The following CUX2 variants were observed in gnomAD, a reference collection of about 807,000 sequenced individuals.
CUX2 encodes homeobox protein cut-like 2.
CUX2 carries 40 observed loss-of-function variants against 144.8 expected under a neutral mutation model. The ratio of observed to expected loss-of-function variants is 0.28; its 90% CI spans 0.21 to 0.36. The LOEUF is 0.36. Ranked by LOEUF, CUX2 falls within the 10% of genes least tolerant of loss-of-function variation. The pLI is 1.00. For synonymous variants in CUX2, 827 were observed against 875.6 expected, an observed-to-expected ratio of 0.94 and a Z score of 0.98; for missense variants, 1,615 against 1,994.0, an observed-to-expected ratio of 0.81 and a Z score of 3.62.
chr12:111,235,054 A>C (rs1363564195), intron 3 of CUX2, among the ~76,000 whole-genome samples: 1 of 152,070 alleles, frequency 6.6e-6, no homozygotes, highest in African/African-American at 2.4e-5. Flanking sequence ...TTTTCTCATC[A>C]ATAAAACGGT....
Position 111,310,128 on chromosome 12 carries a change from C to A in CUX2, c.1346C>A (p.Pro449Gln). 1 of 1,509,000 alleles carries A rather than the reference C, an allele frequency of 6.6e-7. No individual in the cohort carries two copies. Among genetic ancestry groups the A allele is most frequent in the Non-Finnish European group, 8.9e-7 (1 of 1,129,908 alleles). The allele number at this position is 1,509,000 out of a possible 1,614,324, so 93.5% of individuals were successfully genotyped here. The change falls in exon 15 of 22, where the codon CCA becomes CAA. Residue 449 changes from proline (P) to glutamine (Q), a missense_variant. Pro to Gln is a moderately conservative substitution (Grantham distance 76, BLOSUM62 -1). Around this residue, in one of 12 missense-constraint regions of CUX2, gnomAD observed 154 missense variants for 148.4 expected, o/e 1.04. Transcript: ENST00000261726. This position sits in a 1 kb window ranked among gnomAD's most constrained non-coding sequence, Gnocchi z 7.9. Reference sequence around the variant, plus strand: ...TCCCCTCAGCAGCTCCCACCTCCACCAGGGCCAGAAGACCCCCTGTCTCCC... The same window carrying A: ...TCCCCTCAGCAGCTCCCACCTCCACAAGGGCCAGAAGACCCCCTGTCTCCC... Reference protein sequence around the residue: ...YPSPQQLPPPPGPEDPLSPSP... With the variant: ...YPSPQQLPPPQGPEDPLSPSP...
In CUX2 at chr12:111,160,984, C is replaced by A. The variant is rs1877722641; in HGVS notation, c.64-53216C>A. On this transcript the variant is annotated intron_variant, in intron 1 of 21. Transcript: ENST00000261726. The surrounding 1 kb of genome is among the most constrained non-coding windows in gnomAD (Gnocchi z 4.1). The stretch of plus-strand genomic sequence containing the variant: ...GGCTATGGGTTTGAAACCTGAGATG[C>A]CCATGGTCTCCCAGAGGGGTTATCA... Among the ~76,000 whole-genome samples the A allele has an allele frequency of 6.6e-6, 1 of 152,124 alleles. No homozygotes were observed. Among genetic ancestry groups the A allele is most frequent in the Non-Finnish European group, 1.5e-5 (1 of 68,014 alleles).
chr12:111,236,233 C>T (rs920427143), intron 3 of CUX2, among the ~76,000 whole-genome samples: 5 of 152,128 alleles, frequency 3.3e-5, no homozygotes, highest in Non-Finnish European at 7.4e-5. Context: ...TAAGAAAGGG[C>T]TCGTGCTGAA....
At chr12:111,346,370 G>C (rs900579548) in intron 21 of CUX2, among the ~76,000 whole-genome samples, 5 of 151,364 alleles carry the variant, frequency 3.3e-5, no homozygotes, top group African/African-American at 9.7e-5. Context: ...CAGTTGCTCG[G>C]GAAGCTGAGG....
intron 4 of CUX2, among the ~76,000 whole-genome samples, chr12:111,278,811 A>G (rs1374020769): frequency 1.3e-5 from 2 of 152,182 alleles, no homozygotes; most frequent in Non-Finnish European, 2.9e-5. Context: ...TGCATCGAAT[A>G]ATACCATTGG....
At chr12:111,189,726 C>T (rs1879764189) in intron 1 of CUX2, among the ~76,000 whole-genome samples, 1 of 152,038 alleles carries the variant, frequency 6.6e-6, no homozygotes, top group Non-Finnish European at 1.5e-5. Context: ...AATCAAGATC[C>T]TGATTCAGTA....
At chr12:111,130,743 T>C (rs76180677) in intron 1 of CUX2, among the ~76,000 whole-genome samples, 4,421 of 152,328 alleles carry the variant, frequency 0.029, 214 homozygotes, top group African/African-American at 0.1. Flanking sequence ...CTCTTCCTTT[T>C]AGATTAAACC....
rs1888984523 is a variant in CUX2 at position 111,349,918 on chromosome 12, A to G, written c.*1593A>G. On this transcript the variant is annotated 3_prime_UTR_variant, in exon 22 of 22. Transcript: ENST00000261726. The stretch of plus-strand genomic sequence containing the variant: ...GATGTAGCTAGCATTTTGAAACCAT[A>G]TGGGCAAAACCCGGCAACCAGAAGG... 1 of 152,330 alleles carries G rather than the reference A, an allele frequency of 6.6e-6. No individual in the cohort carries two copies. Among genetic ancestry groups the G allele is most frequent in the Non-Finnish European group, 1.5e-5 (1 of 68,046 alleles). The allele number at this position is 152,330 out of a possible 1,614,324, so 9.4% of individuals were successfully genotyped here. A position where few individuals can be genotyped will look rare whatever the true frequency, so the allele number is the denominator to read the frequency against.
At chr12:111,074,460 T>A (rs116083414) in intron 1 of CUX2, among the ~76,000 whole-genome samples, 1,687 of 152,186 alleles carry the variant, frequency 0.011, 54 homozygotes, top group African/African-American at 0.038. Flanking sequence ...AGCTGTTCCC[T>A]GCCTGATCAG....
intron 1 of CUX2, among the ~76,000 whole-genome samples, chr12:111,154,630 A>T (rs1238023780): frequency 6.6e-6 from 1 of 152,076 alleles, no homozygotes; most frequent in African/African-American, 2.4e-5. Flanking sequence ...AGACGGGGAG[A>T]TGCAGTTGAT....
chr12:111,034,191 TG>T lies in CUX2; in HGVS notation c.17del (p.Gly6AspfsTer40). MAAN[V>X]GSMFQYWKRF... ...ATAGCCCCCAAGATGGCCGCCAATG[TG>T]GGATCGATGTTTCAATATTGGAAGC... On this transcript the variant is annotated frameshift_variant, in exon 1 of 22. Transcript: ENST00000261726. LOFTEE classifies it high-confidence loss of function. This position sits in a 1 kb window ranked among gnomAD's most constrained non-coding sequence, Gnocchi z 4.2. 2 of 1,399,120 alleles carry T rather than the reference TG, an allele frequency of 1.4e-6. No individual in the cohort carries two copies. The highest frequency in any genetic ancestry group is 1.2e-5 in the South Asian group (1 of 86,654). The allele number at this position is 1,399,120 out of a possible 1,614,324, so 86.7% of individuals were successfully genotyped here.
chr12:111,093,379 G>A (rs1170669960), intron 1 of CUX2, among the ~76,000 whole-genome samples: 3 of 152,076 alleles, frequency 2.0e-5, no homozygotes, highest in Non-Finnish European at 4.4e-5. Flanking sequence ...ACACCACGGC[G>A]ACTTGAGATT....
Position 111,034,968 on chromosome 12 carries a change from AC to A in CUX2, c.63+735del, listed in dbSNP as rs570042840. On this transcript the variant is annotated intron_variant, in intron 1 of 21. Coordinates refer to ENST00000261726, the MANE Select transcript of CUX2 (RefSeq NM_015267.4). The surrounding 1 kb of genome is among the most constrained non-coding windows in gnomAD (Gnocchi z 4.2). ...GGGGTTCGTCTTGCTTCTTGCCTTTACCCCCCCGCCCCTTCCATCCCCTTCC... is the reference window on the plus strand; with the variant it reads ...GGGGTTCGTCTTGCTTCTTGCCTTTACCCCCCGCCCCTTCCATCCCCTTCC... 3.3e-5 allele frequency among the ~76,000 whole-genome samples: 5 copies of A among 149,454 alleles called. No individual in the cohort carries two copies. The highest frequency in any genetic ancestry group is 2.0e-4 in the East Asian group (1 of 5,028).
chr12:111,346,490 AG>A, intron 21 of CUX2, among the ~76,000 whole-genome samples: 1 of 151,888 alleles, frequency 6.6e-6, no homozygotes, highest in East Asian at 1.9e-4. Context: ...AAAAAAAAAA[AG>A]AAAAGAAAAC....
intron 1 of CUX2, among the ~76,000 whole-genome samples, chr12:111,126,077 CAT>C (rs1363075277): frequency 1.3e-5 from 2 of 148,826 alleles, no homozygotes; most frequent in Non-Finnish European, 3.0e-5. Context: ...GGAATTGGCT[CAT>C]GTGTTCATGG....
rs184366768 is a variant in CUX2, at chr12:111,265,364, C to T, written c.301+1525C>T. On this transcript the variant is annotated intron_variant, in intron 4 of 21. Transcript: ENST00000261726. ...ATTTTATTTTATTTTATTTTTGAGA[C>T]AGGGTCTTGCTCTGTTGCCCAGGCT... Among the ~76,000 whole-genome samples the T allele has an allele frequency of 5.1e-3, 718 of 139,974 alleles. 6 individuals carry two copies. Among genetic ancestry groups the T allele is most frequent in the African/African-American group, 0.021 (689 of 33,538 alleles). The allele number at this position is 139,974 out of a possible 152,430, so 91.8% of individuals were successfully genotyped here.
intron 9 of CUX2, among the ~76,000 whole-genome samples, chr12:111,301,745 CCT>C (rs1412681173): frequency 4.6e-5 from 7 of 152,210 alleles, no homozygotes; most frequent in African/African-American, 9.7e-5. Context: ...CTCAAGCAAT[CCT>C]CTCACAGTCC....
At chr12:111,074,316 G>C (rs1871402774) in intron 1 of CUX2, among the ~76,000 whole-genome samples, 1 of 152,044 alleles carries the variant, frequency 6.6e-6, no homozygotes, top group South Asian at 2.1e-4. Context: ...TGCAAATTTG[G>C]TTGAGACTGA....
intron 1 of CUX2, among the ~76,000 whole-genome samples, chr12:111,140,487 G>C (rs922434837): frequency 6.6e-6 from 1 of 152,118 alleles, no homozygotes; most frequent in Non-Finnish European, 1.5e-5. Context: ...TTATTTTCCC[G>C]GCCATGGTGA....
Sources: allele counts gnomAD v4.1 joint callset (sites outside exome capture counted in the v4.1 genomes callset), GRCh38; gene constraint gnomAD v4.1.1; regional missense constraint gnomAD v4.1.1; non-coding constraint Gnocchi (gnomAD v3.1); transcripts MANE v1.5; gene names NCBI Gene and HGNC (gene_info 2026-07-23, HGNC 2026-07-21).